Variants in DLG4 observed in about 807,000 individuals in gnomAD.
The protein encoded by DLG4 is disks large homolog 4.
Under a neutral mutation model 93.8 loss-of-function variants are expected in DLG4, and 7 were observed. That is an observed-to-expected ratio of 0.07 (90% confidence interval 0.04 to 0.14). DLG4 has a LOEUF of 0.14. DLG4 is among the 10% of genes least tolerant of loss of function. DLG4 has a pLI of 1.00. For missense variants in DLG4, 545 were observed against 992.9 expected, an observed-to-expected ratio of 0.55 and a Z score of 6.06; for synonymous variants, 341 against 387.6, an observed-to-expected ratio of 0.88 and a Z score of 1.41.
intron 8 of DLG4, among the ~76,000 whole-genome samples, chr17:7,200,682 G>A (rs913225002): frequency 8.6e-5 from 13 of 150,526 alleles, no homozygotes; most frequent in Admixed American, 5.9e-4. Context: ...GAGTAGCTGG[G>A]ATTGCAGGCA....
chr17:7,211,104 G>A (rs1389919843), intron 1 of DLG4, among the ~76,000 whole-genome samples: 1 of 145,896 alleles, frequency 6.9e-6, no homozygotes, highest in South Asian at 2.3e-4. Context: ...CATGTAGGGG[G>A]GCGGGGAGAA....
Position 7,194,976 on chromosome 17 carries a change from G to T in DLG4, c.1302-481C>A, listed in dbSNP as rs944837808. ...GGAGCTTGCAGTGAGCAGAGATCAC[G>T]CCACTGCACTCCAGCCTGGGCAACG... On this transcript the variant is annotated intron_variant, in intron 11 of 19. Coordinates refer to ENST00000399506, the MANE Select transcript of DLG4 (RefSeq NM_001321075.3). This position sits in a 1 kb window ranked among gnomAD's most constrained non-coding sequence, Gnocchi z 4.4. Among the ~76,000 whole-genome samples, 1 of 149,244 alleles carries T rather than the reference G, an allele frequency of 6.7e-6. No individual in the cohort carries two copies. Among genetic ancestry groups the T allele is most frequent in the South Asian group, 2.1e-4 (1 of 4,744 alleles).
In DLG4 at chr17:7,194,936, A is replaced by C. The variant is rs541549293; in HGVS notation, c.1302-441T>G. On this transcript the variant is annotated intron_variant, in intron 11 of 19. Transcript: ENST00000399506. The surrounding 1 kb of genome is among the most constrained non-coding windows in gnomAD (Gnocchi z 4.4). ...CGGGAGGCTGAGGCAGGAAAATGGCATGAACCCAGGAGGCGGAGCTTGCAG... is the reference window on the plus strand; with the variant it reads ...CGGGAGGCTGAGGCAGGAAAATGGCCTGAACCCAGGAGGCGGAGCTTGCAG... 6.6e-6 allele frequency among the ~76,000 whole-genome samples: 1 copy of C among 151,668 alleles called. No homozygotes were observed. Among genetic ancestry groups the C allele is most frequent in the African/African-American group, 2.4e-5 (1 of 41,288 alleles).
At chr17:7,199,608 C>A (rs2070006068) in intron 8 of DLG4, among the ~76,000 whole-genome samples, 1 of 152,104 alleles carries the variant, frequency 6.6e-6, no homozygotes, top group Non-Finnish European at 1.5e-5. Context: ...TTTGCTGAGA[C>A]CCTATTAGTC....
intron 17 of DLG4, 81 bp from the exon 18 acceptor site, chr17:7,192,083 G>T: frequency 1.4e-6 from 1 of 737,564 alleles, no homozygotes; most frequent in Non-Finnish European, 2.1e-6. Flanking sequence ...GACACGGACG[G>T]GGAGAGGTGG....
intron 8 of DLG4, among the ~76,000 whole-genome samples, chr17:7,201,777 A>C (rs1445536658): frequency 6.6e-6 from 1 of 152,164 alleles, no homozygotes; most frequent in Non-Finnish European, 1.5e-5. Context: ...GCTACTCGGG[A>C]GGCCGGGGCA....
intron 2 of DLG4, among the ~76,000 whole-genome samples, chr17:7,206,781 C>G (rs1200074725): frequency 6.6e-6 from 1 of 152,092 alleles, no homozygotes; most frequent in Non-Finnish European, 1.5e-5. Context: ...AGTTCTAACT[C>G]CAGAACCTGC....
chr17:7,210,582 T>G (rs1007097002), intron 1 of DLG4, among the ~76,000 whole-genome samples: 1 of 152,204 alleles, frequency 6.6e-6, no homozygotes, highest in Non-Finnish European at 1.5e-5. Context: ...GAGAAGGTGG[T>G]CTTCTACCTG....
At chr17:7,200,060 T>C (rs2070038638) in intron 8 of DLG4, among the ~76,000 whole-genome samples, 1 of 152,126 alleles carries the variant, frequency 6.6e-6, no homozygotes, top group South Asian at 2.1e-4. Context: ...TTTTGTTAGG[T>C]TATGGTATTT....
chr17:7,208,255 G>C lies in DLG4; in HGVS notation c.31-16C>G, dbSNP rs778501585. 1 of 1,312,034 alleles carries C rather than the reference G, an allele frequency of 7.6e-7. No homozygotes were observed. The highest frequency in any genetic ancestry group is 9.8e-7 in the Non-Finnish European group (1 of 1,021,624). The allele number at this position is 1,312,034 out of a possible 1,614,324, so 81.3% of individuals were successfully genotyped here. A position where few individuals can be genotyped will look rare whatever the true frequency, so the allele number is the denominator to read the frequency against. On this transcript the variant is annotated splice_polypyrimidine_tract_variant and intron_variant, in intron 1 of 19. Transcript: ENST00000399506. This position sits in a 1 kb window ranked among gnomAD's most constrained non-coding sequence, Gnocchi z 5.4. ...AGCGGTATTTCTGGGGATGGGGACG[G>C]AGGTGTCACTGGGGCCAGCCCGGTG...
chr17:7,219,106 C>T, upstream of DLG4: 1 of 559,720 alleles, frequency 1.8e-6, no homozygotes, highest in Admixed American at 3.2e-5. Flanking sequence ...AGGGCTCCAG[C>T]AGCTCAAAAA....
At position 7,208,975 on chromosome 17, in the gene DLG4, A is replaced by G. The variant is rs1291430609; in HGVS notation, c.31-736T>C. ...GGGAGTCTGGCCCTACCCCTGCAAC[A>G]GCCCACAGCCCAGCCAGCTAATCCG... is the stretch of plus-strand genomic sequence containing the variant. On this transcript the variant is annotated intron_variant, in intron 1 of 19. Coordinates refer to ENST00000399506, the MANE Select transcript of DLG4 (RefSeq NM_001321075.3). The surrounding 1 kb of genome is among the most constrained non-coding windows in gnomAD (Gnocchi z 5.4). 2.0e-5 allele frequency among the ~76,000 whole-genome samples: 3 copies of G among 152,082 alleles called. No individual in the cohort carries two copies. Among genetic ancestry groups the G allele is most frequent in the Non-Finnish European group, 4.4e-5 (3 of 68,028 alleles).
chr17:7,217,007 C>A, intron 1 of DLG4, 111 bp downstream of exon 1: 1 of 1,046,734 alleles, frequency 9.6e-7, no homozygotes, highest in Middle Eastern at 2.3e-4. Context: ...CCAAATACAT[C>A]TTACTTCTGA....
Position 7,193,458 on chromosome 17 carries a change from C to T in DLG4, c.1693+25G>A. ...GCCCCACCCCCACTTCCACCTTCTC[C>T]TCCATCCAAGGCCCCAGCACTCACG... On this transcript the variant is annotated intron_variant, in intron 16 of 19. Transcript: ENST00000399506. The surrounding 1 kb of genome is among the most constrained non-coding windows in gnomAD (Gnocchi z 6.7). 6.6e-7 allele frequency: 1 copy of T among 1,514,466 alleles called. No homozygotes were observed. The highest frequency in any genetic ancestry group is 1.4e-5 in the South Asian group (1 of 72,908). The allele number at this position is 1,514,466 out of a possible 1,614,324, so 93.8% of individuals were successfully genotyped here. A position where few individuals can be genotyped will look rare whatever the true frequency, so the allele number is the denominator to read the frequency against.
rs749972277 is a variant in DLG4 at position 7,193,449 on chromosome 17, C to T, written c.1693+34G>A. The T allele has an allele frequency of 2.0e-6, 3 of 1,508,588 alleles. No individual in the cohort carries two copies. Among genetic ancestry groups the T allele is most frequent in the East Asian group, 4.6e-5 (2 of 43,500 alleles). 93.5% of individuals were successfully genotyped at this position (1,508,588 alleles called of 1,614,324 possible). A position where few individuals can be genotyped will look rare whatever the true frequency, so the allele number is the denominator to read the frequency against. The stretch of plus-strand genomic sequence containing the variant: ...GCCTCCCCTGCCCCACCCCCACTTC[C>T]ACCTTCTCCTCCATCCAAGGCCCCA... On this transcript the variant is annotated intron_variant, in intron 16 of 19. Coordinates refer to ENST00000399506, the MANE Select transcript of DLG4 (RefSeq NM_001321075.3). The surrounding 1 kb of genome is among the most constrained non-coding windows in gnomAD (Gnocchi z 6.7).
rs916051539 is a variant in DLG4 at position 7,187,406 on chromosome 17, C to T, written c.*3302G>A. Among the ~76,000 whole-genome samples the T allele has an allele frequency of 1.3e-5, 2 of 149,450 alleles. No individual in the cohort carries two copies. Among genetic ancestry groups the T allele is most frequent in the East Asian group, 2.0e-4 (1 of 5,018 alleles). On this transcript the variant is annotated 3_prime_UTR_variant, in exon 20 of 20. Coordinates refer to ENST00000399506, the MANE Select transcript of DLG4 (RefSeq NM_001321075.3). Reference sequence around the variant, plus strand: ...TACTAAATACAAAAAATTAGCTGGGCGTGGTGGCATGCACCTGTAATCCCA... The same window carrying T: ...TACTAAATACAAAAAATTAGCTGGGTGTGGTGGCATGCACCTGTAATCCCA...
At chr17:7,192,549 G>A in intron 17 of DLG4, 1 of 252,370 alleles carries the variant, frequency 4.0e-6, no homozygotes, top group Non-Finnish European at 7.6e-6. Context: ...CAGAGGAGTG[G>A]GAGAGGGGAG....
intron 8 of DLG4, 139 bp from the exon 9 acceptor site, chr17:7,197,191 A>T (rs2069838895): frequency 1.3e-6 from 1 of 799,878 alleles, no homozygotes; most frequent in Admixed American, 2.9e-5. Context: ...TGGGGTGGTA[A>T]GGGGATATCA....
In DLG4 at chr17:7,190,963, C is replaced by CTTTTTTTTTTTTTTT; in HGVS notation, c.2069-164_2069-150dup. The CTTTTTTTTTTTTTTT allele has an allele frequency of 4.2e-4, 148 of 348,546 alleles. 10 individuals are homozygous for CTTTTTTTTTTTTTTT. In the African/African-American group the frequency reaches 5.2e-3, roughly 12 times the overall value. 21.6% of individuals were successfully genotyped at this position (348,546 alleles called of 1,614,324 possible). A position where few individuals can be genotyped will look rare whatever the true frequency, so the allele number is the denominator to read the frequency against. On this transcript the variant is annotated intron_variant, in intron 19 of 19. Transcript: ENST00000399506. ...GCTGCACCCGCCCACAGGGGCACCT[C>CTTTTTTTTTTTTTTT]TTTTTTTTTTTTTTTTTTTTTTTTG...
Sources: gnomAD v4.1 joint callset for allele counts (sites outside exome capture counted in the v4.1 genomes callset) on GRCh38, gnomAD v4.1.1 for gene constraint, Gnocchi (gnomAD v3.1) non-coding constraint, MANE v1.5 for transcripts, NCBI Gene and HGNC (gene_info 2026-07-23, HGNC 2026-07-21) for gene names.